Variants in HSD17B2 observed in about 807,000 individuals in gnomAD.
The protein encoded by HSD17B2 is hydroxysteroid 17-beta dehydrogenase 2, also known as 17-beta-hydroxysteroid dehydrogenase type 2.
HSD17B2 carries 32 observed loss-of-function variants against 26.9 expected under a neutral mutation model. That is an observed-to-expected ratio of 1.19 (90% CI 0.90 to 1.60). The LOEUF (loss-of-function observed/expected upper bound fraction) is 1.60, where lower values mean the gene tolerates loss of function less well. Among genes scored for constraint, HSD17B2 ranks in the 40% most tolerant of loss-of-function variants. HSD17B2 has a pLI of 0.00. For synonymous variants in HSD17B2, 246 were observed against 186.7 expected, an observed-to-expected ratio of 1.32 and a Z score of -2.59; for missense variants, 613 against 468.6, an observed-to-expected ratio of 1.31 and a Z score of -2.85.
At chr16:82,052,697 G>A (rs1345909086) in intron 1 of HSD17B2, among the ~76,000 whole-genome samples, 1 of 152,088 alleles carries the variant, frequency 6.6e-6, no homozygotes, top group Non-Finnish European at 1.5e-5. Context: ...CACAATCCAG[G>A]GAAAAATATC....
rs763668914 is a variant in HSD17B2 at position 82,054,190 on chromosome 16, A to G, written c.266-13980A>G. Among the ~76,000 whole-genome samples, 16 of 151,216 alleles carry G rather than the reference A, an allele frequency of 1.1e-4. 1 individual carries two copies. Among genetic ancestry groups the G allele is most frequent in the Admixed American group, 2.0e-4 (3 of 15,238 alleles). Reference sequence around the variant, plus strand: ...AAGAGCCCTTTCTCCTTAATCACTTAACCTTAACCCACATATCGAAAAAAA... The same window carrying G: ...AAGAGCCCTTTCTCCTTAATCACTTGACCTTAACCCACATATCGAAAAAAA... On this transcript the variant is annotated intron_variant, in intron 1 of 4. Transcript: ENST00000199936.
intron 1 of HSD17B2, among the ~76,000 whole-genome samples, chr16:82,036,772 G>T (rs1042555601): frequency 2.0e-5 from 3 of 152,126 alleles, no homozygotes; most frequent in African/African-American, 7.2e-5. Flanking sequence ...TTCAGTCAAT[G>T]GGATGTTTAT....
In HSD17B2 at chr16:82,068,230, T is replaced by C; in HGVS notation, c.326T>C (p.Val109Ala). ...TATCTGGATGAGCTGGGCTTCACGGTATTTGCCGGAGTTTTGAATGAAAAT... is the reference window on the plus strand; with the variant it reads ...TATCTGGATGAGCTGGGCTTCACGGCATTTGCCGGAGTTTTGAATGAAAAT... ...CKYLDELGFT[V>A]FAGVLNENGP... The change falls in exon 2 of 5, where the codon GTA (valine) becomes GCA (alanine). Residue 109 changes from valine (V) to alanine (A), a missense_variant. Coordinates refer to ENST00000199936, the MANE Select transcript of HSD17B2 (RefSeq NM_002153.3). The C allele has an allele frequency of 6.2e-7, 1 of 1,614,054 alleles. No homozygotes were observed. Among genetic ancestry groups the C allele is most frequent in the Non-Finnish European group, 8.5e-7 (1 of 1,180,024 alleles).
At chr16:82,077,535 C>A (rs746893882) in intron 3 of HSD17B2, among the ~76,000 whole-genome samples, 1 of 152,114 alleles carries the variant, frequency 6.6e-6, no homozygotes, top group Non-Finnish European at 1.5e-5. Context: ...TCAAAACCAG[C>A]CTGGGCAACA....
intron 4 of HSD17B2, chr16:82,094,517 C>A (rs551858874): frequency 1.3e-5 from 2 of 152,224 alleles, no homozygotes; most frequent in African/African-American, 4.8e-5. Flanking sequence ...GAGATCAGAT[C>A]CTGAGATGCA....
intron 1 of HSD17B2, among the ~76,000 whole-genome samples, chr16:82,052,076 T>C (rs949234510): frequency 2.6e-5 from 4 of 152,194 alleles, no homozygotes; most frequent in Admixed American, 6.5e-5. Flanking sequence ...ATAATGTCTG[T>C]GCGGTGTATG....
intron 1 of HSD17B2, among the ~76,000 whole-genome samples, chr16:82,065,030 A>T (rs1481101846): frequency 6.6e-6 from 1 of 152,174 alleles, no homozygotes; most frequent in African/African-American, 2.4e-5. Context: ...CCCAGACAAG[A>T]GGTGGAGTTA....
At chr16:82,040,992 A>G (rs938838168) in intron 1 of HSD17B2, among the ~76,000 whole-genome samples, 2 of 152,088 alleles carry the variant, frequency 1.3e-5, no homozygotes, top group African/African-American at 4.8e-5. Context: ...CCCACTTATC[A>G]TGCGGTTTAA....
intron 4 of HSD17B2, chr16:82,092,556 T>C (rs905520005): frequency 2.0e-5 from 3 of 152,180 alleles, no homozygotes; most frequent in African/African-American, 7.2e-5. Context: ...AAACACTTGA[T>C]AGCTGAGAAC....
chr16:82,088,085 A>G (rs1904580293), intron 3 of HSD17B2, among the ~76,000 whole-genome samples: 2 of 152,168 alleles, frequency 1.3e-5, no homozygotes, highest in African/African-American at 4.8e-5. Flanking sequence ...ATATGTGACA[A>G]AACTCTAATG....
intron 1 of HSD17B2, among the ~76,000 whole-genome samples, chr16:82,058,273 G>C (rs1914333282): frequency 6.6e-6 from 1 of 151,694 alleles, no homozygotes; most frequent in Non-Finnish European, 1.5e-5. Flanking sequence ...GTCTCCCTTT[G>C]TTACCCAGGC....
intron 4 of HSD17B2, 57 bp from the exon 5 acceptor site, chr16:82,098,018 C>G (rs8191243): frequency 0.31 from 477,304 of 1,543,696 alleles, 78,380 homozygotes; most frequent in Non-Finnish European, 0.33. Flanking sequence ...CAAGCGCCTG[C>G]TCCCTGACTT....
At chr16:82,082,263 C>G (rs940143246) in intron 3 of HSD17B2, among the ~76,000 whole-genome samples, 2 of 152,048 alleles carry the variant, frequency 1.3e-5, no homozygotes, top group Non-Finnish European at 2.9e-5. Flanking sequence ...ATCTGCTTGT[C>G]CAGCCTCAGT....
At chr16:82,044,629 T>A (rs1160970453) in intron 1 of HSD17B2, 1 of 152,314 alleles carries the variant, frequency 6.6e-6, no homozygotes, top group Admixed American at 6.5e-5. Context: ...AAAAGACCTT[T>A]GCACCAGGCA....
chr16:82,069,898 A>G (rs888347992), intron 2 of HSD17B2, among the ~76,000 whole-genome samples: 1 of 152,098 alleles, frequency 6.6e-6, no homozygotes, highest in Non-Finnish European at 1.5e-5. Flanking sequence ...GACTGAACAG[A>G]TCCCCCAGAC....
chr16:82,073,306 G>A (rs112897911), intron 3 of HSD17B2, among the ~76,000 whole-genome samples: 437 of 151,698 alleles, frequency 2.9e-3, no homozygotes, highest in African/African-American at 0.01. Context: ...CTCACTGCAA[G>A]CTCCGCCTCC....
At chr16:82,070,537 C>A (rs1272798944) in intron 2 of HSD17B2, among the ~76,000 whole-genome samples, 1 of 152,226 alleles carries the variant, frequency 6.6e-6, no homozygotes, top group Non-Finnish European at 1.5e-5. Context: ...GGGGTCCGCC[C>A]ATGTGGCATG....
intron 3 of HSD17B2, among the ~76,000 whole-genome samples, chr16:82,086,169 C>T (rs926160906): frequency 2.0e-5 from 3 of 152,154 alleles, no homozygotes; most frequent in Non-Finnish European, 2.9e-5. Context: ...CAAAAACTCA[C>T]TCATACATAG....
chr16:82,070,366 C>T (rs1409121509), intron 2 of HSD17B2, among the ~76,000 whole-genome samples: 1 of 152,210 alleles, frequency 6.6e-6, no homozygotes, highest in African/African-American at 2.4e-5. Flanking sequence ...TACGACTTAG[C>T]ACAGACCCTC....
Sources: gnomAD v4.1 joint callset for allele counts (sites outside exome capture counted in the v4.1 genomes callset) on GRCh38, gnomAD v4.1.1 for gene constraint, MANE v1.5 for transcripts, NCBI Gene and HGNC (gene_info 2026-07-23, HGNC 2026-07-21) for gene names.